Variants in FTO observed in about 807,000 individuals in gnomAD.
The protein encoded by FTO is alpha-ketoglutarate-dependent dioxygenase FTO.
In FTO, 47 loss-of-function variants were observed where a neutral mutation model predicts 63.9. That is an observed-to-expected ratio of 0.74 (90% CI 0.58 to 0.94). The LOEUF (loss-of-function observed/expected upper bound fraction) is 0.94. Ranked by LOEUF, FTO falls within the 40% of genes least tolerant of loss-of-function variation. FTO has a pLI of 0.00. For synonymous variants in FTO, 207 were observed against 224.4 expected, an observed-to-expected ratio of 0.92 and a Z score of 0.69; for missense variants, 562 against 618.1, an observed-to-expected ratio of 0.91 and a Z score of 0.96.
intron 5 of FTO, among the ~76,000 whole-genome samples, chr16:53,878,067 G>C (rs971244252): frequency 4.6e-5 from 7 of 152,148 alleles, no homozygotes; most frequent in Admixed American, 3.3e-4. Flanking sequence ...GGGAGGCTGA[G>C]GGGGGTGGAT....
At chr16:54,041,928 A>G (rs1160721074) in intron 8 of FTO, among the ~76,000 whole-genome samples, 2 of 152,178 alleles carry the variant, frequency 1.3e-5, no homozygotes, top group Admixed American at 1.3e-4. Flanking sequence ...GAGAAGATTT[A>G]TGTCCTGCGG....
At chr16:54,008,918 A>T (rs1042460121) in intron 8 of FTO, among the ~76,000 whole-genome samples, 6 of 151,766 alleles carry the variant, frequency 4.0e-5, no homozygotes, top group Non-Finnish European at 7.4e-5. Flanking sequence ...AGGCTGAGGT[A>T]GGAGGTTTGT....
At chr16:53,989,106 T>C (rs2083740985) in intron 8 of FTO, among the ~76,000 whole-genome samples, 1 of 152,100 alleles carries the variant, frequency 6.6e-6, no homozygotes, top group Admixed American at 6.5e-5. Flanking sequence ...ACTAAGCTGA[T>C]ACTTGGCTGA....
intron 8 of FTO, among the ~76,000 whole-genome samples, chr16:54,030,526 T>A (rs1428727112): frequency 6.6e-6 from 1 of 152,184 alleles, no homozygotes; most frequent in Non-Finnish European, 1.5e-5. Context: ...TTGGATAATT[T>A]TCAGTTGGAT....
At chr16:54,076,674 A>AT (rs1476782656) in intron 8 of FTO, among the ~76,000 whole-genome samples, 1 of 152,164 alleles carries the variant, frequency 6.6e-6, no homozygotes, top group Non-Finnish European at 1.5e-5. Flanking sequence ...GGATGCTGAT[A>AT]TTTTGTTAGA....
At chr16:53,878,377 G>T (rs1203610511) in intron 5 of FTO, among the ~76,000 whole-genome samples, 1 of 151,796 alleles carries the variant, frequency 6.6e-6, no homozygotes, top group East Asian at 1.9e-4. Context: ...TCTTTGTGGG[G>T]TTTTTTTTGG....
chr16:53,755,770 TG>T (rs2076909481), intron 1 of FTO, among the ~76,000 whole-genome samples: 1 of 152,178 alleles, frequency 6.6e-6, no homozygotes, highest in Non-Finnish European at 1.5e-5. Context: ...AAGAGAAAGC[TG>T]GTGTATGCCC....
intron 8 of FTO, among the ~76,000 whole-genome samples, chr16:54,001,221 A>G (rs757552666): frequency 1.3e-5 from 2 of 152,188 alleles, no homozygotes; most frequent in Non-Finnish European, 1.5e-5. Flanking sequence ...TAACTAGCTT[A>G]TATTAAATGA....
At chr16:53,953,444 C>T (rs1438967000) in intron 8 of FTO, among the ~76,000 whole-genome samples, 1 of 152,130 alleles carries the variant, frequency 6.6e-6, no homozygotes, top group Non-Finnish European at 1.5e-5. Context: ...TAATTTCTTC[C>T]CTAAGATTCC....
At chr16:54,074,820 A>G (rs1425683016) in intron 8 of FTO, among the ~76,000 whole-genome samples, 2 of 152,116 alleles carry the variant, frequency 1.3e-5, no homozygotes, top group Non-Finnish European at 2.9e-5. Context: ...AAAAAGTGCA[A>G]CAAGTTATAT....
intron 1 of FTO, among the ~76,000 whole-genome samples, chr16:53,729,722 C>G (rs1341708236): frequency 6.6e-6 from 1 of 151,712 alleles, no homozygotes; most frequent in Admixed American, 6.6e-5. Context: ...AGTGGTGACC[C>G]CTGAACATAT....
At chr16:54,040,285 G>A (rs998883955) in intron 8 of FTO, 16 of 152,084 alleles carry the variant, frequency 1.1e-4, no homozygotes, top group African/African-American at 3.9e-4. Flanking sequence ...TTTATCAGTG[G>A]CTTTGAAATC....
intron 1 of FTO, among the ~76,000 whole-genome samples, chr16:53,760,233 TGTGTGTGTGTGTGTGTGTGTGTGTGTG>T (rs1567962812): frequency 1.2e-4 from 2 of 16,134 alleles, no homozygotes; most frequent in East Asian, 7.6e-4. Context: ...TGTGTGTGTG[TGTGTGTGTGTGTGTGTGTGTGTGTGTG>T]TTTTTTGGAG....
chr16:53,913,905 G>A (rs994579198), intron 7 of FTO, among the ~76,000 whole-genome samples: 1 of 151,812 alleles, frequency 6.6e-6, no homozygotes, highest in Non-Finnish European at 1.5e-5. Context: ...CTGGAACCCT[G>A]GGGGCGGAGG....
intron 1 of FTO, among the ~76,000 whole-genome samples, chr16:53,751,918 C>T (rs2076803694): frequency 6.6e-6 from 1 of 152,214 alleles, no homozygotes. Flanking sequence ...GAATCGCTTA[C>T]ATTTTACCTT....
chr16:53,783,649 G>T (rs1183430343), intron 1 of FTO, among the ~76,000 whole-genome samples: 1 of 149,136 alleles, frequency 6.7e-6, no homozygotes, highest in Non-Finnish European at 1.5e-5. Flanking sequence ...TTAGCCGGGC[G>T]TGGTGGCACG....
chr16:53,787,137 A>G (rs1033806065), intron 1 of FTO, among the ~76,000 whole-genome samples: 7 of 147,968 alleles, frequency 4.7e-5, no homozygotes, highest in East Asian at 3.9e-4. Context: ...AAAAAAAAAA[A>G]AAAAAGAAAA....
At chr16:53,886,958 A>T (rs1455460477) in intron 6 of FTO, 1 of 152,224 alleles carries the variant, frequency 6.6e-6, no homozygotes, top group African/African-American at 2.4e-5. Flanking sequence ...GCAGTGGTAA[A>T]AAGAGTATTT....
intron 8 of FTO, among the ~76,000 whole-genome samples, chr16:54,076,326 A>G (rs761698435): frequency 3.9e-5 from 6 of 152,186 alleles, no homozygotes; most frequent in Admixed American, 2.6e-4. Flanking sequence ...GAGTCAATAG[A>G]TGATTAACCT....
Sources: gnomAD v4.1 joint callset for allele counts (sites outside exome capture counted in the v4.1 genomes callset) on GRCh38, gnomAD v4.1.1 for gene constraint, MANE v1.5 for transcripts, NCBI Gene and HGNC (gene_info 2026-07-23, HGNC 2026-07-21) for gene names.